AGPAT4: variants seen among roughly 807,000 people sequenced by gnomAD.
The protein encoded by AGPAT4 is 1-acyl-sn-glycerol-3-phosphate acyltransferase delta.
A neutral mutation model predicts 48.0 loss-of-function variants in AGPAT4; 15 were observed. The ratio of observed to expected loss-of-function variants is 0.31; its 90% CI spans 0.21 to 0.48. The LOEUF (loss-of-function observed/expected upper bound fraction) is 0.48. Among genes scored for constraint, AGPAT4 ranks in the 20% least tolerant of loss-of-function variants. The pLI is 0.99. For missense variants in AGPAT4, 314 were observed against 482.5 expected (o/e 0.65, Z 3.27); for synonymous variants, 178 against 198.7 (o/e 0.90, Z 0.88).
rs921055555 is a variant in AGPAT4 at position 161,180,941 on chromosome 6, T to C, written c.179-14524A>G. 2.1e-4 allele frequency among the ~76,000 whole-genome samples: 32 copies of C among 152,210 alleles called. No homozygotes were observed. The highest frequency in any genetic ancestry group is 5.8e-4 in the East Asian group (3 of 5,174). On this transcript the variant is annotated intron_variant, in intron 2 of 8. Coordinates refer to ENST00000320285, the MANE Select transcript of AGPAT4 (RefSeq NM_020133.3). This position sits in a 1 kb window ranked among gnomAD's most constrained non-coding sequence, Gnocchi z 6.4. ...ATTACTAATAGGAAAAAGAAGTAGA[T>C]AGACAAAAACAAAGTGGAGTTAAGG...
At position 161,180,273 on chromosome 6, in the gene AGPAT4, C is replaced by G. The variant is rs1175184104; in HGVS notation, c.179-13856G>C. Among the ~76,000 whole-genome samples the G allele has an allele frequency of 1.3e-5, 2 of 152,200 alleles. No homozygotes were observed. The highest frequency in any genetic ancestry group is 2.9e-5 in the Non-Finnish European group (2 of 68,040). The stretch of plus-strand genomic sequence containing the variant: ...CCTTCCTCGCTCCAGTGGGTGGGCC[C>G]AGCTCCTCTCTGCAGCCCATCCCAG... On this transcript the variant is annotated intron_variant, in intron 2 of 8. Transcript: ENST00000320285. The surrounding 1 kb of genome is among the most constrained non-coding windows in gnomAD (Gnocchi z 6.4).
chr6:161,160,771 A>G (rs1779905185), intron 3 of AGPAT4: 1 of 348,486 alleles, frequency 2.9e-6, no homozygotes, highest in Non-Finnish European at 5.7e-6. Flanking sequence ...CAGGTCCTCA[A>G]GGCCCCTTCC....
Position 161,251,116 on chromosome 6 carries a change from T to C in AGPAT4, c.-89-18814A>G, listed in dbSNP as rs1235572325. On this transcript the variant is annotated intron_variant, in intron 1 of 8. Transcript: ENST00000320285. The surrounding 1 kb of genome is among the most constrained non-coding windows in gnomAD (Gnocchi z 4.6). Reference sequence around the variant, plus strand: ...AACTTAGGGCTTCCTTCTACGCTTATTTCTTATCCTGCAGAAAACTGATAA... The same window carrying C: ...AACTTAGGGCTTCCTTCTACGCTTACTTCTTATCCTGCAGAAAACTGATAA... Among the ~76,000 whole-genome samples, 1 of 152,262 alleles carries C rather than the reference T, an allele frequency of 6.6e-6. No individual in the cohort carries two copies. Among genetic ancestry groups the C allele is most frequent in the Non-Finnish European group, 1.5e-5 (1 of 68,052 alleles).
rs1016839364 is a variant in AGPAT4 at position 161,255,139 on chromosome 6, T to C, written c.-90+18799A>G. Among the ~76,000 whole-genome samples, 6 of 152,330 alleles carry C rather than the reference T, an allele frequency of 3.9e-5. No individual in the cohort carries two copies. Among genetic ancestry groups the C allele is most frequent in the African/African-American group, 1.4e-4 (6 of 41,580 alleles). ...CAGGGCCCTGCTCCCAGCTACTTCA[T>C]CTTTCCCTGTAATACCTCACACATC... On this transcript the variant is annotated intron_variant, in intron 1 of 8. Transcript: ENST00000320285. This position sits in a 1 kb window ranked among gnomAD's most constrained non-coding sequence, Gnocchi z 4.7.
At position 161,261,147 on chromosome 6, in the gene AGPAT4, C is replaced by T. The variant is rs1783089510; in HGVS notation, c.-90+12791G>A. 6.6e-6 allele frequency among the ~76,000 whole-genome samples: 1 copy of T among 152,168 alleles called. No homozygotes were observed. The highest frequency in any genetic ancestry group is 2.1e-4 in the South Asian group (1 of 4,830). On this transcript the variant is annotated intron_variant, in intron 1 of 8. Transcript: ENST00000320285. This position sits in a 1 kb window ranked among gnomAD's most constrained non-coding sequence, Gnocchi z 5.3. ...TTATCCTTCCAACCCCTGCTTAAGC[C>T]AGCTCCTTCTCCTCCCTGCCTCCCG...
At chr6:161,151,271 G>A (rs950056942) in intron 5 of AGPAT4, among the ~76,000 whole-genome samples, 1 of 152,234 alleles carries the variant, frequency 6.6e-6, no homozygotes, top group African/African-American at 2.4e-5. Flanking sequence ...AAAGCAATCT[G>A]CCTTCCTGAG....
chr6:161,204,133 G>A lies in AGPAT4; in HGVS notation c.178+27903C>T, dbSNP rs1477880658. ...AGACTAAACACATACTCAGGAATGT[G>A]TGCTTAAAAAAACTTAAATTTTTCT... On this transcript the variant is annotated intron_variant, in intron 2 of 8. Coordinates refer to ENST00000320285, the MANE Select transcript of AGPAT4 (RefSeq NM_020133.3). The surrounding 1 kb of genome is among the most constrained non-coding windows in gnomAD (Gnocchi z 4.4). Among the ~76,000 whole-genome samples the A allele has an allele frequency of 6.6e-6, 1 of 151,978 alleles. No homozygotes were observed. The highest frequency in any genetic ancestry group is 1.9e-4 in the East Asian group (1 of 5,190).
chr6:161,217,292 A>G lies in AGPAT4; in HGVS notation c.178+14744T>C, dbSNP rs905542806. On this transcript the variant is annotated intron_variant, in intron 2 of 8. Coordinates refer to ENST00000320285, the MANE Select transcript of AGPAT4 (RefSeq NM_020133.3). This position sits in a 1 kb window ranked among gnomAD's most constrained non-coding sequence, Gnocchi z 4.9. ...AACTGGGCTCCCATCAATGCCTGGTACATGGTAACAGAAGGTGCTCAATAG... is the reference window on the plus strand; with the variant it reads ...AACTGGGCTCCCATCAATGCCTGGTGCATGGTAACAGAAGGTGCTCAATAG... Among the ~76,000 whole-genome samples the G allele has an allele frequency of 6.6e-6, 1 of 152,218 alleles. No homozygotes were observed. Among genetic ancestry groups the G allele is most frequent in the African/African-American group, 2.4e-5 (1 of 41,460 alleles).
Position 161,184,745 on chromosome 6 carries a change from A to G in AGPAT4, c.179-18328T>C, listed in dbSNP as rs1215400739. Among the ~76,000 whole-genome samples the G allele has an allele frequency of 6.6e-6, 1 of 152,164 alleles. No individual in the cohort carries two copies. On this transcript the variant is annotated intron_variant, in intron 2 of 8. Transcript: ENST00000320285. The surrounding 1 kb of genome is among the most constrained non-coding windows in gnomAD (Gnocchi z 4.8). ...TCCACCCATCTGGGCACTTGGCAAGACTAGAAATCTGACTACATCAAGCCT... is the reference window on the plus strand; with the variant it reads ...TCCACCCATCTGGGCACTTGGCAAGGCTAGAAATCTGACTACATCAAGCCT...
Position 161,220,584 on chromosome 6 carries a change from G to C in AGPAT4, c.178+11452C>G, listed in dbSNP as rs1781806878. ...GTTGCCCTCTTTTTGGCCAAACAAA[G>C]ACGCTGCCAGTAAGACAGAACCGAA... On this transcript the variant is annotated intron_variant, in intron 2 of 8. Coordinates refer to ENST00000320285, the MANE Select transcript of AGPAT4 (RefSeq NM_020133.3). This position sits in a 1 kb window ranked among gnomAD's most constrained non-coding sequence, Gnocchi z 6.0. Among the ~76,000 whole-genome samples the C allele has an allele frequency of 6.6e-6, 1 of 152,164 alleles. No individual in the cohort carries two copies.
Position 161,171,770 on chromosome 6 carries a change from G to A in AGPAT4, c.179-5353C>T, listed in dbSNP as rs1234354385. Among the ~76,000 whole-genome samples the A allele has an allele frequency of 6.6e-6, 1 of 151,874 alleles. No individual in the cohort carries two copies. Among genetic ancestry groups the A allele is most frequent in the Non-Finnish European group, 1.5e-5 (1 of 67,996 alleles). On this transcript the variant is annotated intron_variant, in intron 2 of 8. Transcript: ENST00000320285. The surrounding 1 kb of genome is among the most constrained non-coding windows in gnomAD (Gnocchi z 4.4). The stretch of plus-strand genomic sequence containing the variant: ...AAAAAATTAGCTGGGCGTGGTGGCA[G>A]GCACCTGTAGTCCCAGCTACTCGGG...
At position 161,155,545 on chromosome 6, in the gene AGPAT4, T is replaced by C. The variant is rs1779745889; in HGVS notation, c.349-1235A>G. Among the ~76,000 whole-genome samples the C allele has an allele frequency of 6.6e-6, 1 of 152,124 alleles. No homozygotes were observed. Among genetic ancestry groups the C allele is most frequent in the South Asian group, 2.1e-4 (1 of 4,830 alleles). ...AACAGAAAAAGGTCTAAACAGCCAATTGCTACCCTACTTTAAAAAAACAAG... is the reference window on the plus strand; with the variant it reads ...AACAGAAAAAGGTCTAAACAGCCAACTGCTACCCTACTTTAAAAAAACAAG... On this transcript the variant is annotated intron_variant, in intron 3 of 8. Transcript: ENST00000320285. The surrounding 1 kb of genome is among the most constrained non-coding windows in gnomAD (Gnocchi z 5.8).
chr6:161,164,552 GC>G lies in AGPAT4; in HGVS notation c.348+1695del, dbSNP rs1335664836. On this transcript the variant is annotated intron_variant, in intron 3 of 8. Transcript: ENST00000320285. The surrounding 1 kb of genome is among the most constrained non-coding windows in gnomAD (Gnocchi z 7.4). ...TGGGCCCCAGGGCCCCTGCTTTTGT[GC>G]CCCCAACATCTTCCAGGGGAAAGAG... Among the ~76,000 whole-genome samples, 1 of 152,188 alleles carries G rather than the reference GC, an allele frequency of 6.6e-6. No individual in the cohort carries two copies. Among genetic ancestry groups the G allele is most frequent in the Non-Finnish European group, 1.5e-5 (1 of 68,028 alleles).
Position 161,217,982 on chromosome 6 carries a change from C to T in AGPAT4, c.178+14054G>A, listed in dbSNP as rs927447687. Reference sequence around the variant, plus strand: ...CCTCATCTCCCAACTCACCTTGTAGCGTAGAGCATGTTCTATGTGATGCCT... The same window carrying T: ...CCTCATCTCCCAACTCACCTTGTAGTGTAGAGCATGTTCTATGTGATGCCT... On this transcript the variant is annotated intron_variant, in intron 2 of 8. Transcript: ENST00000320285. The surrounding 1 kb of genome is among the most constrained non-coding windows in gnomAD (Gnocchi z 4.9). Among the ~76,000 whole-genome samples, 10 of 152,240 alleles carry T rather than the reference C, an allele frequency of 6.6e-5. No homozygotes were observed. The highest frequency in any genetic ancestry group is 1.0e-4 in the Non-Finnish European group (7 of 68,046).
rs1214925829 is a variant in AGPAT4 at position 161,255,420 on chromosome 6, C to T, written c.-90+18518G>A. Among the ~76,000 whole-genome samples, 6 of 152,146 alleles carry T rather than the reference C, an allele frequency of 3.9e-5. No homozygotes were observed. In the South Asian group the frequency reaches 6.2e-4, roughly 16 times the overall value. On this transcript the variant is annotated intron_variant, in intron 1 of 8. Coordinates refer to ENST00000320285, the MANE Select transcript of AGPAT4 (RefSeq NM_020133.3). The surrounding 1 kb of genome is among the most constrained non-coding windows in gnomAD (Gnocchi z 4.7). ...CACATCCACACAAAATCTTGTACAC[C>T]CACGTTCACGGCAGCGTTGCTCTCG...
In AGPAT4 at chr6:161,240,659, G is replaced by A; in HGVS notation, c.-89-8357C>T. On this transcript the variant is annotated intron_variant, in intron 1 of 8. Coordinates refer to ENST00000320285, the MANE Select transcript of AGPAT4 (RefSeq NM_020133.3). This position sits in a 1 kb window ranked among gnomAD's most constrained non-coding sequence, Gnocchi z 5.5. Reference sequence around the variant, plus strand: ...ATCCCCAGGTACTGCGGTGCCCACAGAGGAGAGGGGAGTGGATACAGTCCC... The same window carrying A: ...ATCCCCAGGTACTGCGGTGCCCACAAAGGAGAGGGGAGTGGATACAGTCCC... Among the ~76,000 whole-genome samples the A allele has an allele frequency of 6.6e-6, 1 of 152,256 alleles. No individual in the cohort carries two copies. The highest frequency in any genetic ancestry group is 1.5e-5 in the Non-Finnish European group (1 of 68,048).
chr6:161,174,607 CT>C (rs1780376484), intron 2 of AGPAT4, among the ~76,000 whole-genome samples: 1 of 152,186 alleles, frequency 6.6e-6, no homozygotes, highest in African/African-American at 2.4e-5. Context: ...GACAATTTGA[CT>C]TCCTCTTTTC....
At position 161,249,665 on chromosome 6, in the gene AGPAT4, A is replaced by G. The variant is rs1286838374; in HGVS notation, c.-89-17363T>C. Among the ~76,000 whole-genome samples, 1 of 152,198 alleles carries G rather than the reference A, an allele frequency of 6.6e-6. No homozygotes were observed. Among genetic ancestry groups the G allele is most frequent in the Non-Finnish European group, 1.5e-5 (1 of 68,032 alleles). On this transcript the variant is annotated intron_variant, in intron 1 of 8. Coordinates refer to ENST00000320285, the MANE Select transcript of AGPAT4 (RefSeq NM_020133.3). The surrounding 1 kb of genome is among the most constrained non-coding windows in gnomAD (Gnocchi z 6.2). ...TTATTTAAAAGTCAAAAAATAACAC[A>G]TGCTGGTGAGGTTGCAGAGAAAAAG...
chr6:161,206,642 G>A lies in AGPAT4; in HGVS notation c.178+25394C>T, dbSNP rs928143654. ...CCAAGATACAATTGAAAAATCACTT[G>A]ACATGCCAAGGACCAGGAAAATCAC... On this transcript the variant is annotated intron_variant, in intron 2 of 8. Transcript: ENST00000320285. This position sits in a 1 kb window ranked among gnomAD's most constrained non-coding sequence, Gnocchi z 4.8. 6.6e-6 allele frequency among the ~76,000 whole-genome samples: 1 copy of A among 152,064 alleles called. No homozygotes were observed.
Sources: gnomAD v4.1 joint callset for allele counts (sites outside exome capture counted in the v4.1 genomes callset) on GRCh38, gnomAD v4.1.1 for gene constraint, Gnocchi (gnomAD v3.1) non-coding constraint, MANE v1.5 for transcripts, NCBI Gene and HGNC (gene_info 2026-07-23, HGNC 2026-07-21) for gene names.